Variants in DGKB observed in about 807,000 individuals in gnomAD.
DGKB encodes 90 kDa diacylglycerol kinase.
A neutral mutation model predicts 114.3 loss-of-function variants in DGKB; 67 were observed. The observed-to-expected ratio is 0.59, with a 90% confidence interval of 0.48 to 0.72. DGKB has a LOEUF of 0.72. DGKB is among the 30% of genes least tolerant of loss of function. DGKB has a pLI of 0.00. For synonymous variants in DGKB, 398 were observed against 323.1 expected, an observed-to-expected ratio of 1.23 and a Z score of -2.49; for missense variants, 907 against 975.2, an observed-to-expected ratio of 0.93 and a Z score of 0.93.
intron 21 of DGKB, among the ~76,000 whole-genome samples, chr7:14,380,242 A>G (rs1450000476): frequency 6.6e-6 from 1 of 151,186 alleles, no homozygotes; most frequent in Admixed American, 6.6e-5. Context: ...AAATATATAA[A>G]TAAATAAATA....
chr7:14,326,687 A>G (rs1808802000), intron 23 of DGKB, among the ~76,000 whole-genome samples: 1 of 152,166 alleles, frequency 6.6e-6, no homozygotes, highest in South Asian at 2.1e-4. Flanking sequence ...TGTTTCTTAG[A>G]GAACCTTGTT....
At chr7:14,329,219 A>G (rs1220786691) in intron 23 of DGKB, among the ~76,000 whole-genome samples, 1 of 151,922 alleles carries the variant, frequency 6.6e-6, no homozygotes, top group Non-Finnish European at 1.5e-5. Context: ...ATTTTTCAAG[A>G]AACAAGTTCC....
chr7:14,509,815 G>T (rs1787709241), intron 20 of DGKB, among the ~76,000 whole-genome samples: 1 of 152,160 alleles, frequency 6.6e-6, no homozygotes, highest in African/African-American at 2.4e-5. Flanking sequence ...GTGTGGGGCT[G>T]GTTTCCCCAA....
At chr7:14,559,265 AC>A (rs1455217919) in intron 20 of DGKB, among the ~76,000 whole-genome samples, 2 of 152,230 alleles carry the variant, frequency 1.3e-5, no homozygotes, top group African/African-American at 4.8e-5. Flanking sequence ...TTTATCAATT[AC>A]ATATACCAAG....
intron 2 of DGKB, among the ~76,000 whole-genome samples, chr7:14,796,561 CAAAGCAA>C (rs1841435926): frequency 6.6e-6 from 1 of 151,810 alleles, no homozygotes; most frequent in African/African-American, 2.4e-5. Context: ...AAAGCATAAT[CAAAGCAA>C]TGAATACCAA....
At chr7:14,706,966 C>A (rs1440822825) in intron 6 of DGKB, among the ~76,000 whole-genome samples, 1 of 147,954 alleles carries the variant, frequency 6.8e-6, no homozygotes, top group Non-Finnish European at 1.5e-5. Flanking sequence ...TAACTAAAAT[C>A]AGAGCAGAAC....
At chr7:14,955,617 C>T (rs1006715559) in intron 1 of DGKB, among the ~76,000 whole-genome samples, 1 of 151,910 alleles carries the variant, frequency 6.6e-6, no homozygotes, top group Non-Finnish European at 1.5e-5. Context: ...CCCTGCCCAA[C>T]AAGATGCTGG....
intron 1 of DGKB, among the ~76,000 whole-genome samples, chr7:14,913,482 A>C (rs1263240280): frequency 6.7e-6 from 1 of 149,866 alleles, no homozygotes; most frequent in Non-Finnish European, 1.5e-5. Context: ...TGCATACTAG[A>C]TATTGTGCTA....
chr7:14,832,813 A>G (rs1233062392), intron 2 of DGKB, among the ~76,000 whole-genome samples: 1 of 152,066 alleles, frequency 6.6e-6, no homozygotes, highest in Non-Finnish European at 1.5e-5. Flanking sequence ...ATCTATGCCC[A>G]TGATTTGATA....
rs181194680 is a variant in DGKB at position 14,650,745 on chromosome 7, G to A, written c.1135-20477C>T. Among the ~76,000 whole-genome samples, 604 of 132,314 alleles carry A rather than the reference G, an allele frequency of 4.6e-3. 6 individuals carry two copies. The highest frequency in any genetic ancestry group is 0.014 in the African/African-American group (470 of 34,138). The allele number at this position is 132,314 out of a possible 152,430, so 86.8% of individuals were successfully genotyped here. ...AAAGGATCAACAAAATTGATAGACC[G>A]CTAGCAAGACTAATAAAGAAAAAAA... is the stretch of plus-strand genomic sequence containing the variant. On this transcript the variant is annotated intron_variant, in intron 13 of 25. Coordinates refer to ENST00000402815, the MANE Select transcript of DGKB (RefSeq NM_001350709.2).
intron 21 of DGKB, among the ~76,000 whole-genome samples, chr7:14,408,734 CA>C (rs774160760): frequency 5.3e-5 from 8 of 152,018 alleles, no homozygotes; most frequent in Non-Finnish European, 1.0e-4. Flanking sequence ...TGAGTAAATA[CA>C]GTTGGCCCTT....
intron 17 of DGKB, among the ~76,000 whole-genome samples, chr7:14,585,666 G>GC: frequency 6.6e-6 from 1 of 152,254 alleles, no homozygotes; most frequent in East Asian, 1.9e-4. Context: ...AGCAGATACT[G>GC]CATTTTTTAC....
intron 21 of DGKB, among the ~76,000 whole-genome samples, chr7:14,391,876 C>T (rs189270022): frequency 3.7e-4 from 57 of 152,184 alleles, no homozygotes; most frequent in African/African-American, 1.2e-3. Context: ...TATTGAGAGA[C>T]TTTACTAATC....
At chr7:14,216,133 C>CA (rs1788922552) in intron 23 of DGKB, among the ~76,000 whole-genome samples, 1 of 151,846 alleles carries the variant, frequency 6.6e-6, no homozygotes, top group Non-Finnish European at 1.5e-5. Flanking sequence ...TAAAATATAA[C>CA]AAATGCCATT....
intron 13 of DGKB, among the ~76,000 whole-genome samples, chr7:14,668,531 G>A (rs1180931645): frequency 6.6e-6 from 1 of 151,968 alleles, no homozygotes; most frequent in Non-Finnish European, 1.5e-5. Context: ...TTCCTCATAT[G>A]TAAAATGGGA....
At chr7:14,659,684 A>G (rs1386951679) in intron 13 of DGKB, among the ~76,000 whole-genome samples, 135 of 148,020 alleles carry the variant, frequency 9.1e-4, no homozygotes, top group African/African-American at 3.2e-3. Flanking sequence ...GCAAACAGGG[A>G]CAATTTGACT....
intron 2 of DGKB, among the ~76,000 whole-genome samples, chr7:14,765,880 G>T (rs1836375328): frequency 6.6e-6 from 1 of 151,842 alleles, no homozygotes; most frequent in Admixed American, 6.6e-5. Context: ...CAACTCTTTG[G>T]GATGTGAAGG....
chr7:14,723,380 A>G (rs1305620051), intron 5 of DGKB, among the ~76,000 whole-genome samples: 2 of 136,472 alleles, frequency 1.5e-5, no homozygotes, highest in Non-Finnish European at 3.1e-5. Context: ...TGAAACATAA[A>G]GCTGGGCAAA....
intron 4 of DGKB, among the ~76,000 whole-genome samples, chr7:14,751,960 T>C (rs1834185708): frequency 6.6e-6 from 1 of 152,224 alleles, no homozygotes; most frequent in African/African-American, 2.4e-5. Flanking sequence ...ACACCTTTTA[T>C]GTGCAAGACA....
Sources: gnomAD v4.1 joint callset for allele counts (sites outside exome capture counted in the v4.1 genomes callset) on GRCh38, gnomAD v4.1.1 for gene constraint, MANE v1.5 for transcripts, NCBI Gene and HGNC (gene_info 2026-07-23, HGNC 2026-07-21) for gene names.